The following CRCP variants were observed in gnomAD, a reference collection of about 807,000 sequenced individuals.
The protein encoded by CRCP is DNA-directed RNA polymerase III subunit RPC9.
In CRCP, 18 loss-of-function variants were observed where a neutral mutation model predicts 18.5. The ratio of observed to expected loss-of-function variants is 0.97; its 90% CI spans 0.67 to 1.44. CRCP has a LOEUF of 1.44. CRCP is among the 40% of genes most tolerant of loss of function. The pLI is 0.00. For synonymous variants in CRCP, 53 were observed against 62.9 expected, an observed-to-expected ratio of 0.84 and a Z score of 0.75; for missense variants, 130 against 176.4, an observed-to-expected ratio of 0.74 and a Z score of 1.49.
intron 1 of CRCP, among the ~76,000 whole-genome samples, chr7:66,126,472 C>T (rs760349501): frequency 6.7e-6 from 1 of 149,344 alleles, no homozygotes; most frequent in Non-Finnish European, 1.5e-5. Flanking sequence ...TTACCTTCCA[C>T]TTTATTTAGA....
intron 2 of CRCP, chr7:66,130,136 C>T (rs901817910): frequency 8.2e-5 from 20 of 244,710 alleles, no homozygotes; most frequent in Non-Finnish European, 1.1e-4. Context: ...GATGGAGTCT[C>T]GCTCTGTCAC....
rs1788555094 is a variant in CRCP at position 66,154,416 on chromosome 7, G to A, written c.*2059G>A. 6.6e-6 allele frequency: 1 copy of A among 151,720 alleles called. No homozygotes were observed. Among genetic ancestry groups the A allele is most frequent in the Non-Finnish European group, 1.5e-5 (1 of 67,944 alleles). 9.4% of individuals were successfully genotyped at this position (151,720 alleles called of 1,614,324 possible). A position where few individuals can be genotyped will look rare whatever the true frequency, so the allele number is the denominator to read the frequency against. On this transcript the variant is annotated 3_prime_UTR_variant, in exon 6 of 6. Transcript: ENST00000395326. ...AGTCGTAATGTCTCTTTTTAACACT[G>A]AATATGTTAGGTGGTTTTTCTTGAT...
chr7:66,130,969 T>G (rs1787784409), intron 3 of CRCP, 127 bp downstream of exon 3: 2 of 626,902 alleles, frequency 3.2e-6, no homozygotes, highest in Admixed American at 2.9e-5. Flanking sequence ...TCTAACCTGA[T>G]TTTTGTTTGT....
chr7:66,145,963 C>T lies in CRCP; in HGVS notation c.297+463C>T, dbSNP rs1321567836. Among the ~76,000 whole-genome samples, 4 of 152,232 alleles carry T rather than the reference C, an allele frequency of 2.6e-5. No homozygotes were observed. The South Asian group carries it at 6.2e-4, about 24-fold the overall frequency. On this transcript the variant is annotated intron_variant, in intron 5 of 5. Coordinates refer to ENST00000395326, the MANE Select transcript of CRCP (RefSeq NM_014478.5). Reference sequence around the variant, plus strand: ...GCTCATCTCCTGGCCTGGCCTCCCACGCCGGAAACCTGCAAGCCATTCTCT... The same window carrying T: ...GCTCATCTCCTGGCCTGGCCTCCCATGCCGGAAACCTGCAAGCCATTCTCT...
At chr7:66,138,878 T>A (rs1362552508) in intron 4 of CRCP, among the ~76,000 whole-genome samples, 2 of 151,692 alleles carry the variant, frequency 1.3e-5, no homozygotes, top group Non-Finnish European at 2.9e-5. Context: ...TATTTCAGCT[T>A]TTTTTTCCCC....
intron 3 of CRCP, among the ~76,000 whole-genome samples, chr7:66,133,837 A>AT (rs908623632): frequency 7.3e-6 from 1 of 136,628 alleles, no homozygotes; most frequent in Non-Finnish European, 1.6e-5. Flanking sequence ...TTTATACAGG[A>AT]TTTTTTTTCT....
intron 4 of CRCP, among the ~76,000 whole-genome samples, chr7:66,137,912 TTAG>T (rs1668146295): frequency 6.6e-6 from 1 of 152,210 alleles, no homozygotes; most frequent in South Asian, 2.1e-4. Flanking sequence ...CTGCATACTA[TTAG>T]TAGTGTTTTT....
intron 1 of CRCP, among the ~76,000 whole-genome samples, chr7:66,117,117 CA>C (rs34224463): frequency 0.014 from 1,128 of 81,146 alleles, 7 homozygotes; most frequent in African/African-American, 0.046. Context: ...AAGACTGTCT[CA>C]AAAAAAAAAA....
Position 66,152,869 on chromosome 7 carries a change from G to C in CRCP, c.*512G>C, listed in dbSNP as rs1003314246. 6.5e-6 allele frequency: 1 copy of C among 154,178 alleles called. No individual in the cohort carries two copies. Among genetic ancestry groups the C allele is most frequent in the African/African-American group, 2.4e-5 (1 of 41,442 alleles). 9.6% of individuals were successfully genotyped at this position (154,178 alleles called of 1,614,324 possible). A position where few individuals can be genotyped will look rare whatever the true frequency, so the allele number is the denominator to read the frequency against. ...GAACAACAGAGATAAGAAAAGAACCGGCCTGGCCAATCCTTCAACAGCTCT... is the reference window on the plus strand; with the variant it reads ...GAACAACAGAGATAAGAAAAGAACCCGCCTGGCCAATCCTTCAACAGCTCT... On this transcript the variant is annotated 3_prime_UTR_variant, in exon 6 of 6. Transcript: ENST00000395326.
At chr7:66,140,790 G>A (rs1292090655) in intron 4 of CRCP, among the ~76,000 whole-genome samples, 2 of 152,104 alleles carry the variant, frequency 1.3e-5, no homozygotes, top group Non-Finnish European at 2.9e-5. Flanking sequence ...GATTTTTAAG[G>A]CCTCTTTTCA....
At chr7:66,144,870 C>G (rs1385959797) in intron 4 of CRCP, among the ~76,000 whole-genome samples, 2 of 152,168 alleles carry the variant, frequency 1.3e-5, no homozygotes, top group Non-Finnish European at 2.9e-5. Context: ...CCGTCCTGGG[C>G]CGGGCACGGT....
At chr7:66,119,185 C>T (rs531776675) in intron 1 of CRCP, among the ~76,000 whole-genome samples, 31 of 152,228 alleles carry the variant, frequency 2.0e-4, no homozygotes, top group Admixed American at 3.3e-4. Context: ...TGAGGTTGGC[C>T]ATGCTTCAAT....
intron 5 of CRCP, among the ~76,000 whole-genome samples, 179 bp downstream of exon 5, chr7:66,145,679 A>G (rs866877771): frequency 6.6e-6 from 1 of 152,204 alleles, no homozygotes; most frequent in Non-Finnish European, 1.5e-5. Flanking sequence ...ACCACAAAAC[A>G]CTGGAGGAGA....
rs1788529903 is a variant in CRCP at position 66,153,435 on chromosome 7, A to G, written c.*1078A>G. 1 of 152,092 alleles carries G rather than the reference A, an allele frequency of 6.6e-6. No individual in the cohort carries two copies. The highest frequency in any genetic ancestry group is 2.4e-5 in the African/African-American group (1 of 41,398). 9.4% of individuals were successfully genotyped at this position (152,092 alleles called of 1,614,324 possible). Reference sequence around the variant, plus strand: ...GCCTGGGCAACAAGAGCAAAACTTCATCTAAAAAACAGAAAATATTAAGAT... The same window carrying G: ...GCCTGGGCAACAAGAGCAAAACTTCGTCTAAAAAACAGAAAATATTAAGAT... On this transcript the variant is annotated 3_prime_UTR_variant, in exon 6 of 6. Transcript: ENST00000395326.
intron 1 of CRCP, among the ~76,000 whole-genome samples, chr7:66,122,125 C>T (rs1787459455): frequency 6.6e-6 from 1 of 152,152 alleles, no homozygotes; most frequent in Admixed American, 6.5e-5. Flanking sequence ...CCTGTAATCC[C>T]AGCACTTTGG....
intron 2 of CRCP, among the ~76,000 whole-genome samples, chr7:66,129,179 A>G (rs1425782007): frequency 6.6e-6 from 1 of 152,124 alleles, no homozygotes; most frequent in Non-Finnish European, 1.5e-5. Flanking sequence ...TAAAAATACA[A>G]AAAATTAGCC....
At chr7:66,138,620 CT>C (rs1562768719) in intron 4 of CRCP, among the ~76,000 whole-genome samples, 2 of 58,510 alleles carry the variant, frequency 3.4e-5, no homozygotes, top group African/African-American at 1.7e-4. Flanking sequence ...CTCGTCTCTA[CT>C]AAAAAAAAAA....
At chr7:66,134,258 T>C (rs1787902024) in intron 3 of CRCP, 22 bp from the exon 4 acceptor site, 9 of 1,470,110 alleles carry the variant, frequency 6.1e-6, no homozygotes, top group Non-Finnish European at 8.2e-6. Context: ...TTGGCTTTTT[T>C]CTTTTTTTTT....
chr7:66,127,152 A>G (rs547759944), intron 1 of CRCP, among the ~76,000 whole-genome samples: 1 of 152,202 alleles, frequency 6.6e-6, no homozygotes, highest in African/African-American at 2.4e-5. Context: ...CTGATATGCT[A>G]TTGTAGAGTG....
Sources: allele counts gnomAD v4.1 joint callset (sites outside exome capture counted in the v4.1 genomes callset), GRCh38; gene constraint gnomAD v4.1.1; transcripts MANE v1.5; gene names NCBI Gene and HGNC (gene_info 2026-07-23, HGNC 2026-07-21).